TENM3: variants seen among roughly 807,000 people sequenced by gnomAD.
The protein encoded by TENM3 is teneurin transmembrane protein 3.
Under a neutral mutation model 255.1 loss-of-function variants are expected in TENM3, and 63 were observed. That is an observed-to-expected ratio of 0.25 (90% CI 0.20 to 0.30). The LOEUF is 0.30. Ranked by LOEUF, TENM3 falls within the 10% of genes least tolerant of loss-of-function variation. The pLI, the probability that TENM3 is intolerant of heterozygous loss-of-function variation, is 1.00. For missense variants in TENM3, 2,929 were observed against 3,461.1 expected (o/e 0.85, Z 3.86); for synonymous variants, 1,306 against 1,322.3 (o/e 0.99, Z 0.27).
intron 1 of TENM3, among the ~76,000 whole-genome samples, chr4:182,234,128 T>C (rs1756744884): frequency 6.6e-6 from 1 of 152,184 alleles, no homozygotes; most frequent in Non-Finnish European, 1.5e-5. Context: ...GGCTCCCTCA[T>C]GGCACCTGTC....
the TENM3 span, among the ~76,000 whole-genome samples, chr4:181,536,408 G>A: frequency 1.3e-5 from 2 of 152,234 alleles, no homozygotes; most frequent in South Asian, 2.1e-4. Flanking sequence ...TGACGTCACT[G>A]CAGTGTCTCC....
At chr4:182,176,313 T>C (rs1244691308) in intron 1 of TENM3, among the ~76,000 whole-genome samples, 3 of 142,684 alleles carry the variant, frequency 2.1e-5, no homozygotes, top group African/African-American at 5.0e-5. Flanking sequence ...TTCACCACCG[T>C]GTGTCTTTTG....
intron 16 of TENM3, 52 bp downstream of exon 16, chr4:182,731,191 T>TA: frequency 6.4e-7 from 1 of 1,574,284 alleles, no homozygotes. Flanking sequence ...TCAGATCATG[T>TA]TTTGCCAGAG....
chr4:182,299,426 G>A (rs1414969369), intron 1 of TENM3, among the ~76,000 whole-genome samples: 7 of 152,014 alleles, frequency 4.6e-5, no homozygotes, highest in South Asian at 2.1e-4. Flanking sequence ...ATATAGATTC[G>A]GAAATTATTT....
In TENM3 at chr4:182,269,385, A is replaced by G. The variant is rs554536983; in HGVS notation, c.-76+25909A>G. ...AAATGATTTATTTTTCACAAAATAT[A>G]GATGTGAGAGTACTGGACAGTTGGC... On this transcript the variant is annotated intron_variant, in intron 1 of 27. Coordinates refer to ENST00000511685, the MANE Select transcript of TENM3 (RefSeq NM_001080477.4). 8.5e-5 allele frequency among the ~76,000 whole-genome samples: 13 copies of G among 152,354 alleles called. No individual in the cohort carries two copies. In the East Asian group the frequency reaches 2.5e-3, roughly 29 times the overall value.
the TENM3 span, among the ~76,000 whole-genome samples, chr4:181,661,239 AT>A: frequency 3.9e-5 from 6 of 152,274 alleles, no homozygotes; most frequent in Admixed American, 3.3e-4. Context: ...ACACTTTGAA[AT>A]CAGCACATGC....
intron 3 of TENM3, among the ~76,000 whole-genome samples, chr4:182,484,235 C>T (rs771211859): frequency 1.1e-4 from 16 of 152,022 alleles, no homozygotes; most frequent in African/African-American, 2.9e-4. Context: ...TTTTTACCAC[C>T]CATTTTACAA....
At chr4:182,743,470 T>C in intron 19 of TENM3, 51 bp downstream of exon 19, 1 of 1,564,066 alleles carries the variant, frequency 6.4e-7, no homozygotes, top group Non-Finnish European at 8.7e-7. Flanking sequence ...CGTGCCTCTT[T>C]AAAAAAAAGG....
intron 3 of TENM3, among the ~76,000 whole-genome samples, chr4:182,440,106 G>C (rs1772347493): frequency 7.5e-6 from 1 of 133,916 alleles, no homozygotes; most frequent in Non-Finnish European, 1.5e-5. Context: ...CAAACTCCTG[G>C]TGGGCACCTT....
At chr4:182,118,346 G>A in the TENM3 span, among the ~76,000 whole-genome samples, 4 of 152,148 alleles carry the variant, frequency 2.6e-5, no homozygotes, top group Admixed American at 2.6e-4. Context: ...AGACAGGACA[G>A]CCTGGCTTTG....
intron 3 of TENM3, among the ~76,000 whole-genome samples, chr4:182,565,567 T>G (rs1743693208): frequency 6.6e-6 from 1 of 152,202 alleles, no homozygotes; most frequent in Non-Finnish European, 1.5e-5. Context: ...TTATTGAAAT[T>G]AGCATCCCTC....
chr4:181,956,714 T>C, the TENM3 span, among the ~76,000 whole-genome samples: 14 of 152,230 alleles, frequency 9.2e-5, no homozygotes, highest in African/African-American at 1.7e-4. Context: ...TAAAAATTTA[T>C]TGGGGAGGTG....
the TENM3 span, among the ~76,000 whole-genome samples, chr4:181,510,053 G>A: frequency 0.081 from 12,320 of 152,144 alleles, 590 homozygotes; most frequent in East Asian, 0.18. Context: ...GCTTAGCACC[G>A]TCTCCTCCAT....
intron 1 of TENM3, among the ~76,000 whole-genome samples, chr4:182,215,472 G>A (rs980775031): frequency 1.3e-5 from 2 of 152,144 alleles, no homozygotes; most frequent in South Asian, 2.1e-4. Context: ...AAAGGGTACT[G>A]TTTTCAACTA....
the TENM3 span, among the ~76,000 whole-genome samples, chr4:181,656,782 A>G: frequency 6.6e-6 from 1 of 152,208 alleles, no homozygotes; most frequent in African/African-American, 2.4e-5. Context: ...AGTTGCCAGG[A>G]CAGAAACATC....
the TENM3 span, among the ~76,000 whole-genome samples, chr4:181,508,558 C>G: frequency 3.9e-5 from 6 of 152,146 alleles, no homozygotes; most frequent in African/African-American, 1.4e-4. Context: ...GTTTGTAATG[C>G]TATTAATCAT....
the TENM3 span, among the ~76,000 whole-genome samples, chr4:182,043,497 A>G: frequency 2.0e-5 from 3 of 152,182 alleles, no homozygotes; most frequent in African/African-American, 7.2e-5. Flanking sequence ...TGATTTGTCT[A>G]AGTTGCTCTG....
chr4:182,025,434 G>A, the TENM3 span, among the ~76,000 whole-genome samples: 46 of 152,290 alleles, frequency 3.0e-4, no homozygotes, highest in African/African-American at 1.1e-3. Context: ...TTGGAAGGTT[G>A]CTTCCAAACC....
chr4:181,782,753 T>C, the TENM3 span, among the ~76,000 whole-genome samples: 8,607 of 152,236 alleles, frequency 0.057, 455 homozygotes, highest in African/African-American at 0.14. Flanking sequence ...TTCTTGCGGG[T>C]GTTTAGTGCT....
Sources: gnomAD v4.1 joint callset for allele counts (sites outside exome capture counted in the v4.1 genomes callset) on GRCh38, gnomAD v4.1.1 for gene constraint, MANE v1.5 for transcripts, NCBI Gene and HGNC (gene_info 2026-07-23, HGNC 2026-07-21) for gene names.